Variants in CLIC5 observed in about 807,000 individuals in gnomAD.
CLIC5 encodes the protein CLIC family member 5.
Under a neutral mutation model 24.7 loss-of-function variants are expected in CLIC5, and 20 were observed. The ratio of observed to expected loss-of-function variants is 0.81; its 90% CI spans 0.57 to 1.18. The LOEUF (loss-of-function observed/expected upper bound fraction) is 1.18. Ranked by LOEUF, CLIC5 falls within the 50% of genes most tolerant of loss-of-function variation. The pLI is 0.00. For synonymous variants in CLIC5, 159 were observed against 135.6 expected, an observed-to-expected ratio of 1.17 and a Z score of -1.20; for missense variants, 341 against 326.1, an observed-to-expected ratio of 1.05 and a Z score of -0.35.
At chr6:46,066,033 T>C (rs75470737) in intron 1 of CLIC5, among the ~76,000 whole-genome samples, 3,157 of 152,266 alleles carry the variant, frequency 0.021, 111 homozygotes, top group African/African-American at 0.071. Context: ...CTTGTACACA[T>C]ATTTGCTGGA....
intron 3 of CLIC5, among the ~76,000 whole-genome samples, chr6:45,945,446 A>AT (rs900960905): frequency 1.2e-4 from 18 of 151,800 alleles, no homozygotes; most frequent in East Asian, 5.8e-4. Flanking sequence ...TCACCATGAC[A>AT]TTTTTTTTGC....
chr6:45,970,892 G>A (rs1212565), intron 1 of CLIC5, among the ~76,000 whole-genome samples: 57,402 of 152,010 alleles, frequency 0.38, 12,146 homozygotes, highest in African/African-American at 0.57. Flanking sequence ...TTCTCTTTAT[G>A]CTCACTTGTT....
the CLIC5 span, among the ~76,000 whole-genome samples, chr6:46,092,616 A>G: frequency 1.4e-5 from 2 of 146,650 alleles, no homozygotes; most frequent in Non-Finnish European, 3.0e-5. Context: ...CCACACCAAA[A>G]TCAGAATTAT....
chr6:46,049,646 T>C (rs1768049936), intron 1 of CLIC5, among the ~76,000 whole-genome samples: 1 of 152,174 alleles, frequency 6.6e-6, no homozygotes, highest in African/African-American at 2.4e-5. Context: ...GCTGTGGGAA[T>C]AGGCAGAACT....
At chr6:45,950,578 C>A (rs1764438594) in intron 2 of CLIC5, among the ~76,000 whole-genome samples, 1 of 152,072 alleles carries the variant, frequency 6.6e-6, no homozygotes, top group South Asian at 2.1e-4. Flanking sequence ...CTCAAAACAA[C>A]AACAGCAATA....
At chr6:46,113,932 T>G in the CLIC5 span, among the ~76,000 whole-genome samples, 1 of 152,158 alleles carries the variant, frequency 6.6e-6, no homozygotes, top group Admixed American at 6.5e-5. Context: ...GCTGATACCT[T>G]GATATTGTTC....
At chr6:45,883,420 G>T (rs565279054) in intron 6 of CLIC5, among the ~76,000 whole-genome samples, 1 of 152,140 alleles carries the variant, frequency 6.6e-6, no homozygotes, top group Non-Finnish European at 1.5e-5. Flanking sequence ...CTAGGAATTC[G>T]TTAGACAAGG....
At chr6:46,086,572 G>A in the CLIC5 span, among the ~76,000 whole-genome samples, 28 of 152,304 alleles carry the variant, frequency 1.8e-4, no homozygotes, top group East Asian at 4.2e-3. Flanking sequence ...ACTGTGGATG[G>A]CCTTGAATGC....
chr6:45,883,436 G>T (rs1762279793), intron 6 of CLIC5, among the ~76,000 whole-genome samples: 3 of 152,210 alleles, frequency 2.0e-5, no homozygotes, highest in African/African-American at 7.2e-5. Context: ...CAAGGTGGAA[G>T]TAGAGCATGG....
the CLIC5 span, among the ~76,000 whole-genome samples, chr6:46,101,181 A>G: frequency 5.3e-5 from 8 of 152,300 alleles, no homozygotes; most frequent in African/African-American, 1.9e-4. Context: ...AGGTTGTAAG[A>G]CTGCTCTGCT....
chr6:46,059,040 A>G (rs1439826971), intron 1 of CLIC5, among the ~76,000 whole-genome samples: 2 of 152,218 alleles, frequency 1.3e-5, no homozygotes, highest in East Asian at 1.9e-4. Flanking sequence ...GTGTTTCTCC[A>G]GGCTCAACCT....
chr6:45,889,448 G>C (rs1336251554), intron 6 of CLIC5, among the ~76,000 whole-genome samples: 1 of 152,188 alleles, frequency 6.6e-6, no homozygotes, highest in Non-Finnish European at 1.5e-5. Context: ...TCCATAGCCA[G>C]ATCTCCAGAA....
At chr6:46,086,078 G>A in the CLIC5 span, among the ~76,000 whole-genome samples, 51 of 152,330 alleles carry the variant, frequency 3.3e-4, no homozygotes, top group South Asian at 9.3e-3. Context: ...CTGGTGCGCC[G>A]TTTTTTAAGC....
At chr6:46,087,330 T>C in the CLIC5 span, among the ~76,000 whole-genome samples, 1 of 152,162 alleles carries the variant, frequency 6.6e-6, no homozygotes, top group Non-Finnish European at 1.5e-5. Context: ...ACTGAAACCA[T>C]CTTGTTTGAT....
chr6:45,979,793 T>A (rs1765506751), intron 1 of CLIC5, among the ~76,000 whole-genome samples: 1 of 151,394 alleles, frequency 6.6e-6, no homozygotes, highest in Non-Finnish European at 1.5e-5. Context: ...CTTTGTGAGA[T>A]GCATCATAGT....
At chr6:45,887,090 C>G (rs1762311406) in intron 6 of CLIC5, among the ~76,000 whole-genome samples, 1 of 152,170 alleles carries the variant, frequency 6.6e-6, no homozygotes. Flanking sequence ...TCCATTTTGT[C>G]TGGGAATATG....
At position 46,015,617 on chromosome 6, in the gene CLIC5, C is replaced by A; in HGVS notation, c.-75G>T. 1.4e-6 allele frequency: 2 copies of A among 1,423,922 alleles called. No individual in the cohort carries two copies. Among genetic ancestry groups the A allele is most frequent in the Non-Finnish European group, 9.3e-7 (1 of 1,080,282 alleles). 88.2% of individuals were successfully genotyped at this position (1,423,922 alleles called of 1,614,324 possible). ...GCAGCACCTGGGCCAGCACTCTGCG[C>A]TCCTGCCGCTGCCCAGCGGGGCTCC... On this transcript the variant is annotated 5_prime_UTR_variant, in exon 1 of 6. Transcript: ENST00000339561.
chr6:46,063,430 C>G (rs1258583181), intron 1 of CLIC5, among the ~76,000 whole-genome samples: 3 of 152,064 alleles, frequency 2.0e-5, no homozygotes, highest in African/African-American at 7.3e-5. Flanking sequence ...TACACGGGAC[C>G]CAAACACAGC....
At chr6:46,121,941 C>T in the CLIC5 span, among the ~76,000 whole-genome samples, 3 of 151,946 alleles carry the variant, frequency 2.0e-5, no homozygotes, top group East Asian at 3.9e-4. Context: ...CAAGTCCTTA[C>T]AGACCTAAAA....
Sources: gnomAD v4.1 joint callset for allele counts (sites outside exome capture counted in the v4.1 genomes callset) on GRCh38, gnomAD v4.1.1 for gene constraint, MANE v1.5 for transcripts, NCBI Gene and HGNC (gene_info 2026-07-23, HGNC 2026-07-21) for gene names.